The following CCSER1 variants were observed in gnomAD, a reference collection of about 807,000 sequenced individuals.
CCSER1 encodes the protein coiled-coil serine rich protein 1.
Under a neutral mutation model 82.0 loss-of-function variants are expected in CCSER1, and 41 were observed. That is an observed-to-expected ratio of 0.50 (90% CI 0.39 to 0.65). The LOEUF is 0.65. Ranked by LOEUF, CCSER1 falls within the 30% of genes least tolerant of loss-of-function variation. The pLI is 0.00. For synonymous variants in CCSER1, 414 were observed against 383.9 expected (o/e 1.08, Z -0.92); for missense variants, 1,119 against 1,064.2 (o/e 1.05, Z -0.72).
At chr4:90,561,981 G>A (rs1056778365) in intron 5 of CCSER1, among the ~76,000 whole-genome samples, 1 of 151,966 alleles carries the variant, frequency 6.6e-6, no homozygotes, top group Non-Finnish European at 1.5e-5. Flanking sequence ...CTGAGGTCAG[G>A]AGTTTGAGAC....
intron 9 of CCSER1, among the ~76,000 whole-genome samples, chr4:91,082,079 G>C (rs569761101): frequency 6.6e-6 from 1 of 152,034 alleles, no homozygotes; most frequent in African/African-American, 2.4e-5. Flanking sequence ...AATTTCATAC[G>C]GAACCACAAA....
At chr4:90,211,015 A>T (rs1329249912) in intron 1 of CCSER1, among the ~76,000 whole-genome samples, 3 of 152,144 alleles carry the variant, frequency 2.0e-5, no homozygotes, top group Non-Finnish European at 4.4e-5. Context: ...TCAACAGTTT[A>T]TATTTCCCTT....
At chr4:90,284,810 T>C (rs1729565868) in intron 1 of CCSER1, among the ~76,000 whole-genome samples, 1 of 151,982 alleles carries the variant, frequency 6.6e-6, no homozygotes. Context: ...GATTTTTGTA[T>C]ATGGAGAGAG....
At chr4:90,529,045 G>A (rs140427967) in intron 5 of CCSER1, among the ~76,000 whole-genome samples, 8 of 151,666 alleles carry the variant, frequency 5.3e-5, no homozygotes, top group Non-Finnish European at 8.8e-5. Context: ...TATTCTTGCT[G>A]ACTAAATTTA....
intron 5 of CCSER1, among the ~76,000 whole-genome samples, chr4:90,499,367 C>T (rs1769496748): frequency 6.6e-6 from 1 of 152,052 alleles, no homozygotes. Flanking sequence ...TGAAATGCTG[C>T]CCTTACCAAT....
intron 10 of CCSER1, among the ~76,000 whole-genome samples, chr4:91,144,098 A>G (rs1240450630): frequency 6.6e-6 from 1 of 151,482 alleles, no homozygotes; most frequent in Non-Finnish European, 1.5e-5. Flanking sequence ...AAGGGTTTTT[A>G]TTCTTTGGTA....
rs145271746 is a variant in CCSER1, at chr4:91,032,622, A to G, written c.2173-53328A>G. 6.3e-3 allele frequency among the ~76,000 whole-genome samples: 962 copies of G among 152,340 alleles called. 44 individuals are homozygous for G. Among genetic ancestry groups the G allele is most frequent in the Admixed American group, 0.059 (900 of 15,294 alleles). On this transcript the variant is annotated intron_variant, in intron 9 of 10. Coordinates refer to ENST00000509176, the MANE Select transcript of CCSER1 (RefSeq NM_001145065.2). ...GAAGTTAAGTAGAGTCAACTGCTGAATGTTTAAAGTAATAACTGGATTTGA... is the reference window on the plus strand; with the variant it reads ...GAAGTTAAGTAGAGTCAACTGCTGAGTGTTTAAAGTAATAACTGGATTTGA...
chr4:90,571,920 G>C (rs867037950), intron 5 of CCSER1, among the ~76,000 whole-genome samples: 1 of 151,966 alleles, frequency 6.6e-6, no homozygotes, highest in African/African-American at 2.4e-5. Context: ...AACTTATGCA[G>C]CACTATTAGA....
intron 1 of CCSER1, among the ~76,000 whole-genome samples, chr4:90,171,831 A>G (rs1260209862): frequency 6.6e-6 from 1 of 151,928 alleles, no homozygotes; most frequent in Admixed American, 6.6e-5. Flanking sequence ...TCTGTTGAGT[A>G]CTACTCTGTA....
chr4:91,082,764 A>T (rs1001798041), intron 9 of CCSER1, among the ~76,000 whole-genome samples: 1 of 152,150 alleles, frequency 6.6e-6, no homozygotes, highest in African/African-American at 2.4e-5. Context: ...ATGAACAGAC[A>T]CTTCTCAAAA....
intron 3 of CCSER1, among the ~76,000 whole-genome samples, chr4:90,379,029 A>G (rs1278401696): frequency 1.3e-5 from 2 of 152,216 alleles, no homozygotes; most frequent in Non-Finnish European, 2.9e-5. Flanking sequence ...AATAGAGAGC[A>G]TATCAGATAA....
intron 9 of CCSER1, among the ~76,000 whole-genome samples, chr4:90,996,572 C>A (rs1282571141): frequency 1.3e-5 from 2 of 152,110 alleles, no homozygotes; most frequent in East Asian, 3.9e-4. Flanking sequence ...TAACTTTCAT[C>A]AGTTGGACTA....
At chr4:90,632,182 T>C (rs1426367277) in intron 6 of CCSER1, among the ~76,000 whole-genome samples, 1 of 152,150 alleles carries the variant, frequency 6.6e-6, no homozygotes, top group African/African-American at 2.4e-5. Flanking sequence ...TTTTGTGAGG[T>C]ATCACATGTT....
chr4:91,300,932 G>T (rs1158125821), intron 10 of CCSER1, among the ~76,000 whole-genome samples: 1 of 151,842 alleles, frequency 6.6e-6, no homozygotes, highest in East Asian at 1.9e-4. Flanking sequence ...TTTTTAAAGG[G>T]TGAGTCATTA....
intron 7 of CCSER1, among the ~76,000 whole-genome samples, chr4:90,757,334 T>G (rs1413830659): frequency 3.3e-5 from 5 of 152,168 alleles, no homozygotes; most frequent in Non-Finnish European, 7.4e-5. Context: ...TACTGTCCTT[T>G]TAAAGGTTAA....
chr4:90,777,352 C>T (rs1011630499), intron 7 of CCSER1, among the ~76,000 whole-genome samples: 4 of 55,848 alleles, frequency 7.2e-5, no homozygotes, highest in Admixed American at 2.1e-4. Flanking sequence ...GTGACTCCAT[C>T]TCAAAAAAAA....
chr4:90,596,316 A>G (rs554654512), intron 5 of CCSER1, among the ~76,000 whole-genome samples: 2 of 152,062 alleles, frequency 1.3e-5, no homozygotes, highest in East Asian at 1.9e-4. Context: ...CATTTATTCA[A>G]TTAAAGTTAT....
At chr4:90,957,098 CTTTTTTTTTTT>C (rs1215668480) in intron 9 of CCSER1, among the ~76,000 whole-genome samples, 1 of 86,680 alleles carries the variant, frequency 1.2e-5, no homozygotes, top group Non-Finnish European at 2.3e-5. Flanking sequence ...TCTTTCTTTC[CTTTTTTTTTTT>C]TTTTTTTTTT....
At chr4:90,358,245 C>T (rs919179875) in intron 3 of CCSER1, among the ~76,000 whole-genome samples, 15 of 143,510 alleles carry the variant, frequency 1.0e-4, no homozygotes, top group Admixed American at 2.8e-4. Flanking sequence ...TATATTACCT[C>T]TACTTGAGTG....
Sources: gnomAD v4.1 joint callset for allele counts (sites outside exome capture counted in the v4.1 genomes callset) on GRCh38, gnomAD v4.1.1 for gene constraint, MANE v1.5 for transcripts, NCBI Gene and HGNC (gene_info 2026-07-23, HGNC 2026-07-21) for gene names.